MPPED1: variants seen among roughly 807,000 people sequenced by gnomAD.
The protein encoded by MPPED1 is metallophosphoesterase domain-containing protein 1.
Under a neutral mutation model 36.2 loss-of-function variants are expected in MPPED1, and 16 were observed. The observed-to-expected ratio is 0.44, with a 90% CI of 0.30 to 0.67. MPPED1 has a LOEUF of 0.67. MPPED1 is among the 30% of genes least tolerant of loss of function. MPPED1 has a pLI of 0.10. For synonymous variants in MPPED1, 199 were observed against 191.3 expected (o/e 1.04, Z -0.33); for missense variants, 307 against 453.4 (o/e 0.68, Z 2.93).
At chr22:43,455,949 G>C (rs952416497) in intron 3 of MPPED1, among the ~76,000 whole-genome samples, 2 of 152,128 alleles carry the variant, frequency 1.3e-5, no homozygotes, top group African/African-American at 4.8e-5. Context: ...TTCAGGTGTC[G>C]GCAGGGCTGT....
intron 4 of MPPED1, among the ~76,000 whole-genome samples, chr22:43,494,713 GTGGTGGTGGTGA>G (rs1932203510): frequency 6.6e-6 from 1 of 151,674 alleles, no homozygotes; most frequent in South Asian, 2.1e-4. Context: ...GGTGGTGGTG[GTGGTGGTGGTGA>G]TGGTGGCTGT....
chr22:43,500,321 G>A (rs1282073527), intron 5 of MPPED1, among the ~76,000 whole-genome samples: 7 of 144,026 alleles, frequency 4.9e-5, no homozygotes, highest in East Asian at 2.1e-4. Flanking sequence ...TGGAGGTGGT[G>A]ATGGTGGTGG....
At chr22:43,462,729 G>T in intron 3 of MPPED1, among the ~76,000 whole-genome samples, 1 of 152,130 alleles carries the variant, frequency 6.6e-6, no homozygotes, top group East Asian at 1.9e-4. Flanking sequence ...TTTTCTTGGA[G>T]GCTTACCTCC....
chr22:43,437,869 C>T (rs73887304), intron 3 of MPPED1, among the ~76,000 whole-genome samples: 4,192 of 152,226 alleles, frequency 0.028, 194 homozygotes, highest in African/African-American at 0.097. Flanking sequence ...GACATTGGAC[C>T]TGAACCTTGA....
chr22:43,497,935 G>GTGTGTATATATATATATATATATA (rs1555904573), intron 4 of MPPED1, among the ~76,000 whole-genome samples: 1 of 128,378 alleles, frequency 7.8e-6, no homozygotes, highest in African/African-American at 3.5e-5. Flanking sequence ...ATATGTATAT[G>GTGTGTATATATATATATATATATA]TATATATATA....
At chr22:43,482,614 G>T (rs1290517142) in intron 4 of MPPED1, among the ~76,000 whole-genome samples, 1 of 152,214 alleles carries the variant, frequency 6.6e-6, no homozygotes, top group Non-Finnish European at 1.5e-5. Flanking sequence ...TAGTCCCCTT[G>T]CAGAACTGCC....
intron 2 of MPPED1, among the ~76,000 whole-genome samples, chr22:43,425,498 C>G (rs1049663307): frequency 6.6e-6 from 1 of 152,200 alleles, no homozygotes; most frequent in Admixed American, 6.5e-5. Context: ...AAACTCCAGA[C>G]TTCTGGCTTC....
chr22:43,462,871 G>A (rs903691546), intron 3 of MPPED1, among the ~76,000 whole-genome samples: 4 of 152,198 alleles, frequency 2.6e-5, no homozygotes, highest in Middle Eastern at 3.4e-3. Context: ...GGATCCAATG[G>A]TTTCCTTTTT....
At chr22:43,418,191 A>G in intron 1 of MPPED1, 1 of 456,126 alleles carries the variant, frequency 2.2e-6, no homozygotes, top group Non-Finnish European at 4.4e-6. Context: ...TCCAAACGAG[A>G]GCACTTTCGA....
chr22:43,472,656 T>C (rs771171696), intron 3 of MPPED1, among the ~76,000 whole-genome samples: 1 of 152,240 alleles, frequency 6.6e-6, no homozygotes, highest in Non-Finnish European at 1.5e-5. Context: ...GTGAGTCAGC[T>C]ATGAGTAGAT....
intron 4 of MPPED1, among the ~76,000 whole-genome samples, chr22:43,497,254 G>A (rs924389754): frequency 5.9e-5 from 9 of 151,944 alleles, no homozygotes; most frequent in African/African-American, 1.7e-4. Flanking sequence ...TGACATAAAG[G>A]GCCCATTCTT....
intron 3 of MPPED1, among the ~76,000 whole-genome samples, chr22:43,463,819 C>CTT (rs1480549521): frequency 2.4e-5 from 2 of 83,466 alleles, no homozygotes; most frequent in African/African-American, 4.5e-5. Context: ...TTCTTTCTTT[C>CTT]TTTCTTTCTT....
intron 3 of MPPED1, among the ~76,000 whole-genome samples, chr22:43,460,248 CAAAAA>C (rs1930904227): frequency 1.6e-5 from 1 of 62,504 alleles, no homozygotes; most frequent in African/African-American, 4.8e-5. Context: ...AAAACAAAAA[CAAAAA>C]CAAACCCAAA....
At chr22:43,441,654 G>C (rs1930152593) in intron 3 of MPPED1, among the ~76,000 whole-genome samples, 2 of 152,164 alleles carry the variant, frequency 1.3e-5, no homozygotes, top group Admixed American at 6.5e-5. Flanking sequence ...GTTTGCACTG[G>C]CGCCTGAGCA....
At chr22:43,470,686 TG>T (rs1931345695) in intron 3 of MPPED1, among the ~76,000 whole-genome samples, 1 of 152,254 alleles carries the variant, frequency 6.6e-6, no homozygotes. Flanking sequence ...CATTGTCCTC[TG>T]TAATTGTCAG....
At chr22:43,448,584 TTATTTA>T (rs1930447234) in intron 3 of MPPED1, among the ~76,000 whole-genome samples, 3 of 5,464 alleles carry the variant, frequency 5.5e-4, no homozygotes, top group African/African-American at 7.8e-4. Flanking sequence ...ATCTTTTTAT[TTATTTA>T]TTTATTTATT....
intron 4 of MPPED1, among the ~76,000 whole-genome samples, chr22:43,489,097 A>C (rs1602009393): frequency 6.6e-6 from 1 of 151,924 alleles, no homozygotes; most frequent in African/African-American, 2.4e-5. Flanking sequence ...ACCAGGGGCC[A>C]CGTGGACTTC....
intron 3 of MPPED1, among the ~76,000 whole-genome samples, chr22:43,458,301 T>TC (rs1256053599): frequency 6.6e-6 from 1 of 151,762 alleles, no homozygotes; most frequent in African/African-American, 2.4e-5. Flanking sequence ...TTTTTTTTTT[T>TC]TTTGAGACAG....
At chr22:43,496,180 G>C (rs1276065811) in intron 4 of MPPED1, among the ~76,000 whole-genome samples, 2 of 112,962 alleles carry the variant, frequency 1.8e-5, no homozygotes, top group Non-Finnish European at 1.8e-5. Context: ...TGATGGTGGA[G>C]GTGGTGGTGG....
Sources: gnomAD v4.1 joint callset for allele counts (sites outside exome capture counted in the v4.1 genomes callset) on GRCh38, gnomAD v4.1.1 for gene constraint, MANE v1.5 for transcripts, NCBI Gene and HGNC (gene_info 2026-07-23, HGNC 2026-07-21) for gene names.